Variants in LRP1B observed in about 807,000 individuals in gnomAD.
The protein encoded by LRP1B is LDL receptor related protein 1B, also known as low-density lipoprotein receptor-related protein 1B.
In LRP1B, 217 loss-of-function variants were observed where a neutral mutation model predicts 556.6. The observed-to-expected ratio is 0.39, with a 90% CI of 0.35 to 0.44. The LOEUF is 0.44. Ranked by LOEUF, LRP1B falls within the 20% of genes least tolerant of loss-of-function variation. The pLI is 1.00. For missense variants in LRP1B, 5,053 were observed against 5,620.8 expected, an observed-to-expected ratio of 0.90 and a Z score of 3.23; for synonymous variants, 2,047 against 1,865.8, an observed-to-expected ratio of 1.10 and a Z score of -2.50.
At chr2:141,701,522 T>C (rs1329894894) in intron 2 of LRP1B, among the ~76,000 whole-genome samples, 2 of 151,828 alleles carry the variant, frequency 1.3e-5, no homozygotes, top group East Asian at 1.9e-4. Flanking sequence ...CTTGACGCCA[T>C]TACTTATAAT....
chr2:141,596,456 G>C (rs1273588270), intron 2 of LRP1B, among the ~76,000 whole-genome samples: 1 of 152,002 alleles, frequency 6.6e-6, no homozygotes, highest in African/African-American at 2.4e-5. Flanking sequence ...TTGGACAGAT[G>C]AGTAGATGGA....
rs114930733 is a variant in LRP1B at position 140,568,989 on chromosome 2, T to C, written c.7195-27018A>G. On this transcript the variant is annotated intron_variant, in intron 43 of 90. Coordinates refer to ENST00000389484, the MANE Select transcript of LRP1B (RefSeq NM_018557.3). ...ACCAACCTTACAAGAAATGCTCAAG[T>C]GAGTCCTACATCTAGAAGCAAAAGG... 6.4e-3 allele frequency among the ~76,000 whole-genome samples: 967 copies of C among 152,126 alleles called. 8 individuals are homozygous for C. The highest frequency in any genetic ancestry group is 0.016 in the African/African-American group (668 of 41,530).
chr2:141,462,821 T>TTG (rs1559083313), intron 3 of LRP1B, among the ~76,000 whole-genome samples: 1 of 151,922 alleles, frequency 6.6e-6, no homozygotes, highest in Non-Finnish European at 1.5e-5. Context: ...CAATAAAATA[T>TTG]TTTAATTGAA....
chr2:142,058,170 C>T (rs892417768), intron 1 of LRP1B, among the ~76,000 whole-genome samples: 1 of 152,140 alleles, frequency 6.6e-6, no homozygotes, highest in Non-Finnish European at 1.5e-5. Context: ...ATATTTGGAA[C>T]TACCTTCTCC....
intron 5 of LRP1B, among the ~76,000 whole-genome samples, chr2:141,231,264 G>C (rs1377555452): frequency 1.3e-5 from 2 of 152,174 alleles, no homozygotes; most frequent in African/African-American, 4.8e-5. Context: ...TTTGTTTCTG[G>C]CATGGGCCAG....
At chr2:141,706,558 A>G (rs757771371) in intron 2 of LRP1B, among the ~76,000 whole-genome samples, 28 of 152,098 alleles carry the variant, frequency 1.8e-4, no homozygotes, top group Non-Finnish European at 2.9e-5. Context: ...GGCAGACTGA[A>G]GAAAATCAAT....
intron 2 of LRP1B, among the ~76,000 whole-genome samples, chr2:141,593,147 AT>A (rs528410788): frequency 1.7e-3 from 257 of 152,286 alleles, no homozygotes; most frequent in Non-Finnish European, 3.3e-3. Context: ...ATAATTAGGG[AT>A]TTCAGAGGGT....
At chr2:140,365,551 T>C (rs1573850758) in intron 71 of LRP1B, among the ~76,000 whole-genome samples, 1 of 151,548 alleles carries the variant, frequency 6.6e-6, no homozygotes, top group South Asian at 2.1e-4. Context: ...GACTTGAGAG[T>C]TAGGAACTGT....
chr2:141,303,722 T>G (rs533799356), intron 3 of LRP1B, among the ~76,000 whole-genome samples: 1 of 152,190 alleles, frequency 6.6e-6, no homozygotes, highest in Admixed American at 6.5e-5. Context: ...AGTACTGCAG[T>G]AAATACAGAG....
intron 7 of LRP1B, among the ~76,000 whole-genome samples, chr2:141,143,075 C>T (rs1701696007): frequency 6.6e-6 from 1 of 151,850 alleles, no homozygotes. Context: ...ATTACAGGCG[C>T]GTGCTACCAC....
chr2:140,864,797 A>G (rs1286532893), intron 27 of LRP1B, among the ~76,000 whole-genome samples: 7 of 152,044 alleles, frequency 4.6e-5, no homozygotes, highest in Non-Finnish European at 1.0e-4. Context: ...ATTAAACTCA[A>G]CGTTTACAAG....
At chr2:140,713,618 A>G (rs1687113662) in intron 37 of LRP1B, among the ~76,000 whole-genome samples, 1 of 152,024 alleles carries the variant, frequency 6.6e-6, no homozygotes, top group East Asian at 1.9e-4. Flanking sequence ...AAACTGGAGA[A>G]GGCATGACCC....
intron 86 of LRP1B, among the ~76,000 whole-genome samples, 194 bp from the exon 87 acceptor site, chr2:140,247,356 T>C (rs1681210483): frequency 6.6e-6 from 1 of 151,668 alleles, no homozygotes; most frequent in Non-Finnish European, 1.5e-5. Context: ...GGACTTCCTT[T>C]GTTAAAATAC....
chr2:140,966,974 A>T (rs4300776), intron 18 of LRP1B, among the ~76,000 whole-genome samples: 11,040 of 152,176 alleles, frequency 0.073, 478 homozygotes, highest in Middle Eastern at 0.13. Context: ...AGTCAGGTAG[A>T]GTGATGCCTC....
chr2:140,544,990 G>C (rs560960587), intron 43 of LRP1B, among the ~76,000 whole-genome samples: 2 of 152,060 alleles, frequency 1.3e-5, no homozygotes, highest in Non-Finnish European at 2.9e-5. Flanking sequence ...TAGCCATTCT[G>C]ACTGGTGTGA....
intron 3 of LRP1B, among the ~76,000 whole-genome samples, chr2:141,358,227 C>G (rs1295375866): frequency 6.6e-6 from 1 of 152,098 alleles, no homozygotes; most frequent in African/African-American, 2.4e-5. Context: ...AGATGTTAGA[C>G]AAGCTGAAAT....
At chr2:140,664,592 C>A (rs1685204921) in intron 41 of LRP1B, among the ~76,000 whole-genome samples, 1 of 151,910 alleles carries the variant, frequency 6.6e-6, no homozygotes. Context: ...ACACTAAAAC[C>A]AGTGCTCTAA....
intron 32 of LRP1B, among the ~76,000 whole-genome samples, chr2:140,787,050 T>C (rs1006097112): frequency 1.3e-5 from 2 of 152,162 alleles, no homozygotes; most frequent in African/African-American, 2.4e-5. Context: ...AAGAGCAGGA[T>C]GGGGAAGAAG....
intron 2 of LRP1B, among the ~76,000 whole-genome samples, chr2:141,653,503 A>C (rs141899387): frequency 5.3e-5 from 8 of 152,352 alleles, no homozygotes; most frequent in African/African-American, 1.7e-4. Flanking sequence ...AACACTGTAA[A>C]TGTGTGTCCT....
Sources: gnomAD v4.1 joint callset for allele counts (sites outside exome capture counted in the v4.1 genomes callset) on GRCh38, gnomAD v4.1.1 for gene constraint, MANE v1.5 for transcripts, NCBI Gene and HGNC (gene_info 2026-07-23, HGNC 2026-07-21) for gene names.